Variants in SPRING1 observed in about 807,000 individuals in gnomAD.
SPRING1 encodes SREBF pathway regulator in golgi 1, also known as SREBP regulating gene protein.
SPRING1 carries 14 observed loss-of-function variants against 24.7 expected under a neutral mutation model. That is an observed-to-expected ratio of 0.57 (90% CI 0.37 to 0.88). SPRING1 has a LOEUF of 0.88. Among genes scored for constraint, SPRING1 ranks in the 40% least tolerant of loss-of-function variants. The pLI, the probability that SPRING1 is intolerant of heterozygous loss-of-function variation, is 0.00. For synonymous variants in SPRING1, 93 were observed against 106.1 expected (o/e 0.88, Z 0.76); for missense variants, 255 against 268.4 (o/e 0.95, Z 0.35).
rs1281323684 is a variant in SPRING1 at position 116,719,413 on chromosome 12, G to GT, written c.534+349dup. Among the ~76,000 whole-genome samples, 4 of 152,282 alleles carry GT rather than the reference G, an allele frequency of 2.6e-5. No homozygotes were observed. The East Asian group carries it at 7.7e-4, about 29-fold the overall frequency. On this transcript the variant is annotated intron_variant, in intron 4 of 4. Transcript: ENST00000261318. ...AACAAGTGGTTACTGGAAAGCCTTAGTCAAATTTCAAAGACAGGGAGGAGG... is the reference window on the plus strand; with the variant it reads ...AACAAGTGGTTACTGGAAAGCCTTAGTTCAAATTTCAAAGACAGGGAGGAGG...
At chr12:116,726,426 G>A (rs1424904430) in intron 1 of SPRING1, among the ~76,000 whole-genome samples, 8 of 152,070 alleles carry the variant, frequency 5.3e-5, no homozygotes, top group Admixed American at 6.5e-5. Flanking sequence ...TTAATTTACC[G>A]TCTTTCAAGG....
chr12:116,731,091 C>A (rs2137043572), intron 1 of SPRING1, among the ~76,000 whole-genome samples: 1 of 152,316 alleles, frequency 6.6e-6, no homozygotes, highest in Admixed American at 6.5e-5. Context: ...GGCATATTTC[C>A]CATTTCATTC....
rs963315184 is a variant in SPRING1 at position 116,720,030 on chromosome 12, C to T, written c.421-154G>A. ...GGGAAAGGACACACGCGTGCACACA[C>T]GTGCATGCCAAAACACCCTGGGTAT... On this transcript the variant is annotated intron_variant, in intron 3 of 4. Transcript: ENST00000261318. The surrounding 1 kb of genome is among the most constrained non-coding windows in gnomAD (Gnocchi z 4.0). 13 of 722,412 alleles carry T rather than the reference C, an allele frequency of 1.8e-5. No individual in the cohort carries two copies. The highest frequency in any genetic ancestry group is 2.3e-5 in the Non-Finnish European group (10 of 438,744). 44.8% of individuals were successfully genotyped at this position (722,412 alleles called of 1,614,324 possible).
chr12:116,711,220 G>C lies in SPRING1; in HGVS notation c.*6590C>G, dbSNP rs1229714966. ...ACAGGACAGGACAACACTCTCTCTC[G>C]CTCTCTCTCTTCCTTAAGAATAGTG... On this transcript the variant is annotated 3_prime_UTR_variant, in exon 5 of 5. Coordinates refer to ENST00000261318, the MANE Select transcript of SPRING1 (RefSeq NM_024738.4). 1 of 151,768 alleles carries C rather than the reference G, an allele frequency of 6.6e-6. No individual in the cohort carries two copies. The highest frequency in any genetic ancestry group is 1.5e-5 in the Non-Finnish European group (1 of 67,934). The allele number at this position is 151,768 out of a possible 1,614,324, so 9.4% of individuals were successfully genotyped here.
In SPRING1 at chr12:116,717,926, G is replaced by T; in HGVS notation, c.535-33C>A. On this transcript the variant is annotated intron_variant, in intron 4 of 4. Transcript: ENST00000261318. This position sits in a 1 kb window ranked among gnomAD's most constrained non-coding sequence, Gnocchi z 4.2. ...CAAAAGGAAAATAAGAGCGCAGTGA[G>T]AGCGAGCACAGCTTCACACACCTCC... The T allele has an allele frequency of 6.6e-7, 1 of 1,524,812 alleles. No individual in the cohort carries two copies. Among genetic ancestry groups the T allele is most frequent in the Non-Finnish European group, 8.9e-7 (1 of 1,120,414 alleles). 94.5% of individuals were successfully genotyped at this position (1,524,812 alleles called of 1,614,324 possible).
Position 116,716,667 on chromosome 12 carries a change from A to C in SPRING1, c.*1143T>G, listed in dbSNP as rs893200504. On this transcript the variant is annotated 3_prime_UTR_variant, in exon 5 of 5. Transcript: ENST00000261318. Reference sequence around the variant, plus strand: ...ACACGTGTAGCATTCTCTAAGTCATAATGACCATTCTCATCTCCCACTGAG... The same window carrying C: ...ACACGTGTAGCATTCTCTAAGTCATCATGACCATTCTCATCTCCCACTGAG... 5.9e-5 allele frequency: 9 copies of C among 152,448 alleles called. No homozygotes were observed. Among genetic ancestry groups the C allele is most frequent in the Non-Finnish European group, 8.8e-5 (6 of 68,026 alleles). 9.4% of individuals were successfully genotyped at this position (152,448 alleles called of 1,614,324 possible).
chr12:116,732,538 T>C (rs1871027317), intron 1 of SPRING1, among the ~76,000 whole-genome samples: 1 of 152,072 alleles, frequency 6.6e-6, no homozygotes, highest in East Asian at 1.9e-4. Flanking sequence ...CGAAACCCCG[T>C]CTCTACTAAA....
chr12:116,737,772 G>T lies in SPRING1; in HGVS notation c.111+18C>A. On this transcript the variant is annotated intron_variant, in intron 1 of 4. Coordinates refer to ENST00000261318, the MANE Select transcript of SPRING1 (RefSeq NM_024738.4). ...GAAGGAAGAAGGGAAGGGGAGGAGGGGAAGGGCGGCCACTGACCTGCTTGA... is the reference window on the plus strand; with the variant it reads ...GAAGGAAGAAGGGAAGGGGAGGAGGTGAAGGGCGGCCACTGACCTGCTTGA... 1 of 1,518,794 alleles carries T rather than the reference G, an allele frequency of 6.6e-7. No homozygotes were observed. The highest frequency in any genetic ancestry group is 2.8e-5 in the East Asian group (1 of 36,272). 94.1% of individuals were successfully genotyped at this position (1,518,794 alleles called of 1,614,324 possible). A position where few individuals can be genotyped will look rare whatever the true frequency, so the allele number is the denominator to read the frequency against.
At position 116,717,603 on chromosome 12, in the gene SPRING1, G is replaced by C. The variant is rs1444620488; in HGVS notation, c.*207C>G. 1 of 476,854 alleles carries C rather than the reference G, an allele frequency of 2.1e-6. No individual in the cohort carries two copies. The highest frequency in any genetic ancestry group is 3.8e-5 in the Admixed American group (1 of 26,048). 29.5% of individuals were successfully genotyped at this position (476,854 alleles called of 1,614,324 possible). A position where few individuals can be genotyped will look rare whatever the true frequency, so the allele number is the denominator to read the frequency against. On this transcript the variant is annotated 3_prime_UTR_variant, in exon 5 of 5. Coordinates refer to ENST00000261318, the MANE Select transcript of SPRING1 (RefSeq NM_024738.4). The surrounding 1 kb of genome is among the most constrained non-coding windows in gnomAD (Gnocchi z 4.2). Reference sequence around the variant, plus strand: ...GAATGGGACTGGCTGGAGGGGCCAAGCTGCTTTACAGAAGAGTTCCATCTG... The same window carrying C: ...GAATGGGACTGGCTGGAGGGGCCAACCTGCTTTACAGAAGAGTTCCATCTG...
rs1245286029 is a variant in SPRING1, at chr12:116,712,771, T to C, written c.*5039A>G. Reference sequence around the variant, plus strand: ...GAAGCGTTCTACCCCTCCAGATCCTTCTGCAGACAGGAGGGTGTCTGCATT... The same window carrying C: ...GAAGCGTTCTACCCCTCCAGATCCTCCTGCAGACAGGAGGGTGTCTGCATT... On this transcript the variant is annotated 3_prime_UTR_variant, in exon 5 of 5. Transcript: ENST00000261318. 3.9e-5 allele frequency: 6 copies of C among 152,344 alleles called. No homozygotes were observed. The East Asian group carries it at 1.2e-3, about 29-fold the overall frequency. The allele number at this position is 152,344 out of a possible 1,614,324, so 9.4% of individuals were successfully genotyped here.
At chr12:116,718,001 G>A (rs1354475604) in intron 4 of SPRING1, 108 bp from the exon 5 acceptor site, 8 of 918,726 alleles carry the variant, frequency 8.7e-6, no homozygotes, top group Non-Finnish European at 1.2e-5. Flanking sequence ...TCCCTGCAGG[G>A]GGCTGGCCGA....
rs1282410548 is a variant in SPRING1 at position 116,720,323 on chromosome 12, A to G, written c.393T>C (p.Cys131=). 3 of 1,613,754 alleles carry G rather than the reference A, an allele frequency of 1.9e-6. No individual in the cohort carries two copies. The highest frequency in any genetic ancestry group is 2.5e-6 in the Non-Finnish European group (3 of 1,179,880). The change falls in exon 3 of 5, where the codon TGT becomes TGC. Residue 131 remains cysteine, a synonymous_variant. Coordinates refer to ENST00000261318, the MANE Select transcript of SPRING1 (RefSeq NM_024738.4). This position sits in a 1 kb window ranked among gnomAD's most constrained non-coding sequence, Gnocchi z 4.0. ...TGTTGGGCTGCAGGCAGCAGGAGAC[A>G]CAGTACTCATAGGCGCTGCAGCAGC... ...PNGCCSAYEY[C]VSCCLQPNKQ...
At chr12:116,723,776 C>T (rs1334202824) in intron 1 of SPRING1, among the ~76,000 whole-genome samples, 1 of 152,110 alleles carries the variant, frequency 6.6e-6, no homozygotes, top group African/African-American at 2.4e-5. Flanking sequence ...AGCATGTCAA[C>T]TTGTGAATTT....
At chr12:116,737,265 G>A (rs1284086552) in intron 1 of SPRING1, among the ~76,000 whole-genome samples, 1 of 152,122 alleles carries the variant, frequency 6.6e-6, no homozygotes, top group South Asian at 2.1e-4. Flanking sequence ...CGGACGCCCC[G>A]GCGGCGCCGC....
intron 1 of SPRING1, among the ~76,000 whole-genome samples, chr12:116,732,822 A>T (rs1342623140): frequency 2.6e-5 from 4 of 152,256 alleles, no homozygotes; most frequent in African/African-American, 9.6e-5. Context: ...TGTGGGCTTT[A>T]AAATCAGGTG....
intron 1 of SPRING1, among the ~76,000 whole-genome samples, chr12:116,736,844 C>A (rs1465496207): frequency 1.3e-5 from 2 of 152,088 alleles, no homozygotes; most frequent in Non-Finnish European, 2.9e-5. Context: ...GGAATTCTAC[C>A]AATCAAGTTA....
rs1030401886 is a variant in SPRING1, at chr12:116,720,629, G to A, written c.269-182C>T. The stretch of plus-strand genomic sequence containing the variant: ...TGGGGCTTACTTTCCCCAGGCAGTC[G>A]TTTCCAGGAAGCAGGCACTCCCCTG... On this transcript the variant is annotated intron_variant, in intron 2 of 4. Coordinates refer to ENST00000261318, the MANE Select transcript of SPRING1 (RefSeq NM_024738.4). This position sits in a 1 kb window ranked among gnomAD's most constrained non-coding sequence, Gnocchi z 4.0. Among the ~76,000 whole-genome samples, 7 of 148,906 alleles carry A rather than the reference G, an allele frequency of 4.7e-5. No individual in the cohort carries two copies. Among genetic ancestry groups the A allele is most frequent in the African/African-American group, 1.7e-4 (7 of 40,598 alleles).
chr12:116,737,496 GAAGGGGGAGGAAGGA>G (rs1236358854), intron 1 of SPRING1, among the ~76,000 whole-genome samples: 11 of 140,232 alleles, frequency 7.8e-5, no homozygotes, highest in African/African-American at 2.4e-4. Flanking sequence ...AGAAGAAAGG[GAAGGGGGAGGAAGGA>G]AAGGGGGAGG....
In SPRING1 at chr12:116,720,272, A is replaced by G. The variant is rs780903919; in HGVS notation, c.420+24T>C. 3.1e-5 allele frequency: 49 copies of G among 1,576,334 alleles called. No homozygotes were observed. Among genetic ancestry groups the G allele is most frequent in the Non-Finnish European group, 4.0e-5 (47 of 1,166,314 alleles). On this transcript the variant is annotated intron_variant, in intron 3 of 4. Coordinates refer to ENST00000261318, the MANE Select transcript of SPRING1 (RefSeq NM_024738.4). This position sits in a 1 kb window ranked among gnomAD's most constrained non-coding sequence, Gnocchi z 4.0. ...GAGGCCGAAAGAAAAAAGGAGCCGC[A>G]GAACCAGGATCAACTCCCCATACCT...
Sources: allele counts gnomAD v4.1 joint callset (sites outside exome capture counted in the v4.1 genomes callset), GRCh38; gene constraint gnomAD v4.1.1; non-coding constraint Gnocchi (gnomAD v3.1); transcripts MANE v1.5; gene names NCBI Gene and HGNC (gene_info 2026-07-23, HGNC 2026-07-21).